NHSL3: variants seen among roughly 807,000 people sequenced by gnomAD.
NHSL3 encodes NHS like 3.
chr1:32,765,843 T>C, the NHSL3 span: 5 of 1,543,362 alleles, frequency 3.2e-6, no homozygotes, highest in African/African-American at 6.8e-5. Context: ...TGGGTGTGGC[T>C]TGGGGGGAGG....
At chr1:32,752,939 AC>A in the NHSL3 span, among the ~76,000 whole-genome samples, 1 of 5,742 alleles carries the variant, frequency 1.7e-4, no homozygotes, top group African/African-American at 3.4e-4. Context: ...ACACACACAC[AC>A]ACACACACAC....
chr1:32,742,010 G>C, the NHSL3 span: 1 of 1,226,306 alleles, frequency 8.2e-7, no homozygotes, highest in Non-Finnish European at 1.0e-6. Context: ...GGGAACCCGG[G>C]CGGCCCCCCG....
At chr1:32,768,587 A>C in the NHSL3 span, 1 of 1,589,796 alleles carries the variant, frequency 6.3e-7, no homozygotes, top group Non-Finnish European at 8.6e-7. Context: ...ATTTGTCTCA[A>C]AAAAAAGTTC....
the NHSL3 span, chr1:32,772,766 C>A: frequency 1.7e-6 from 2 of 1,182,820 alleles, no homozygotes; most frequent in Non-Finnish European, 2.5e-6. Context: ...TAAATCAAAG[C>A]GGTAAGAAGG....
At chr1:32,771,005 A>G in the NHSL3 span, 1 of 1,310,950 alleles carries the variant, frequency 7.6e-7, no homozygotes, top group Non-Finnish European at 1.0e-6. Context: ...GGCAAGGCCC[A>G]GCCCCCTAAA....
At chr1:32,761,664 G>A in the NHSL3 span, among the ~76,000 whole-genome samples, 1 of 152,218 alleles carries the variant, frequency 6.6e-6, no homozygotes, top group Non-Finnish European at 1.5e-5. Flanking sequence ...TCCAGTACCT[G>A]CCTCGAAGAA....
At chr1:32,742,397 G>T in the NHSL3 span, among the ~76,000 whole-genome samples, 1 of 152,254 alleles carries the variant, frequency 6.6e-6, no homozygotes, top group Non-Finnish European at 1.5e-5. Context: ...CCGCTGTGAG[G>T]GGAGGGGACC....
the NHSL3 span, chr1:32,772,213 C>G: frequency 6.2e-7 from 1 of 1,609,968 alleles, no homozygotes; most frequent in Admixed American, 1.7e-5. Context: ...GCAGCGGCCA[C>G]CCCAGGCCCC....
chr1:32,765,225 C>T, the NHSL3 span, among the ~76,000 whole-genome samples: 1 of 152,204 alleles, frequency 6.6e-6, no homozygotes. Context: ...TGGCCCCTGC[C>T]CCTCTGGGGG....
chr1:32,750,266 A>G, the NHSL3 span, among the ~76,000 whole-genome samples: 1 of 151,940 alleles, frequency 6.6e-6, no homozygotes, highest in Non-Finnish European at 1.5e-5. Flanking sequence ...CTTGTACTCC[A>G]CTGTCCTGAG....
the NHSL3 span, among the ~76,000 whole-genome samples, chr1:32,767,198 G>A: frequency 6.6e-6 from 1 of 152,332 alleles, no homozygotes; most frequent in South Asian, 2.1e-4. Context: ...GGCATGAAAA[G>A]AGTGGTTTGT....
chr1:32,753,621 GTAAC>G, the NHSL3 span, among the ~76,000 whole-genome samples: 1 of 152,256 alleles, frequency 6.6e-6, no homozygotes, highest in East Asian at 1.9e-4. Context: ...TTTGAACACT[GTAAC>G]TACAGAAATA....
the NHSL3 span, among the ~76,000 whole-genome samples, chr1:32,769,179 A>AAG: frequency 6.6e-6 from 1 of 151,892 alleles, no homozygotes; most frequent in Admixed American, 6.6e-5. Context: ...GCGTGAACCC[A>AAG]GGAGGTGGAG....
the NHSL3 span, among the ~76,000 whole-genome samples, chr1:32,746,415 T>C: frequency 6.6e-6 from 1 of 151,958 alleles, no homozygotes; most frequent in Non-Finnish European, 1.5e-5. Flanking sequence ...GGCGAGCGCC[T>C]ATGGAAGGAG....
the NHSL3 span, chr1:32,754,209 C>G: frequency 3.2e-5 from 23 of 708,002 alleles, no homozygotes; most frequent in South Asian, 3.4e-4. Flanking sequence ...GCGGGGCAGG[C>G]AGGGAGGAGG....
At chr1:32,771,373 T>TGCC in the NHSL3 span, 2 of 1,301,302 alleles carry the variant, frequency 1.5e-6, no homozygotes, top group Non-Finnish European at 2.1e-6. Context: ...ACCCCCACCT[T>TGCC]CCCCACCCCC....
the NHSL3 span, among the ~76,000 whole-genome samples, chr1:32,750,180 A>G: frequency 6.6e-6 from 1 of 152,184 alleles, no homozygotes; most frequent in Non-Finnish European, 1.5e-5. Context: ...AAGTCCCTGC[A>G]GCTTCCTTGG....
the NHSL3 span, chr1:32,771,759 G>C: frequency 6.2e-7 from 1 of 1,613,778 alleles, no homozygotes; most frequent in Non-Finnish European, 8.5e-7. Flanking sequence ...AGAAGGAACC[G>C]GTGGGCTGTA....
At chr1:32,766,978 C>T in the NHSL3 span, among the ~76,000 whole-genome samples, 1 of 152,098 alleles carries the variant, frequency 6.6e-6, no homozygotes, top group African/African-American at 2.4e-5. Context: ...CTCCCTTGGG[C>T]GGGTGGAGGG....
Sources: allele counts gnomAD v4.1 joint callset (sites outside exome capture counted in the v4.1 genomes callset), GRCh38; gene constraint gnomAD v4.1.1; transcripts MANE v1.5; gene names NCBI Gene and HGNC (gene_info 2026-07-23, HGNC 2026-07-21).